Variants in DSCAML1 observed in about 807,000 individuals in gnomAD.
The protein encoded by DSCAML1 is cell adhesion molecule DSCAML1.
A neutral mutation model predicts 200.5 loss-of-function variants in DSCAML1; 38 were observed. The observed-to-expected ratio is 0.19, with a 90% confidence interval of 0.15 to 0.25. The LOEUF is 0.25. Ranked by LOEUF, DSCAML1 falls within the 10% of genes least tolerant of loss-of-function variation. DSCAML1 has a pLI of 1.00. For synonymous variants in DSCAML1, 1,215 were observed against 1,165.0 expected, an observed-to-expected ratio of 1.04 and a Z score of -0.87; for missense variants, 2,223 against 2,858.8, an observed-to-expected ratio of 0.78 and a Z score of 5.07.
intron 11 of DSCAML1, among the ~76,000 whole-genome samples, chr11:117,499,146 C>T (rs923331639): frequency 6.6e-6 from 1 of 152,126 alleles, no homozygotes; most frequent in Non-Finnish European, 1.5e-5. Flanking sequence ...TTATTTTTTC[C>T]CCATGTGTCA....
rs1454695743 is a variant in DSCAML1, at chr11:117,464,935, C to A, written c.3265+7G>T. On this transcript the variant is annotated splice_region_variant and intron_variant, in intron 17 of 32. Transcript: ENST00000651296. ...CTGTGCCCACTCCCTTCTGCTGGGG[C>A]CCTCACCATCCTCCAGAGTGGTGGC... 6.2e-7 allele frequency: 1 copy of A among 1,612,640 alleles called. No individual in the cohort carries two copies. The highest frequency in any genetic ancestry group is 8.5e-7 in the Non-Finnish European group (1 of 1,179,206).
At chr11:117,645,088 C>T (rs534439894) in intron 3 of DSCAML1, among the ~76,000 whole-genome samples, 1 of 152,334 alleles carries the variant, frequency 6.6e-6, no homozygotes, top group Non-Finnish European at 1.5e-5. Flanking sequence ...TTGAGAGAGC[C>T]CCCACAGTGG....
At chr11:117,709,532 C>T (rs1224866334) in intron 3 of DSCAML1, among the ~76,000 whole-genome samples, 2 of 152,018 alleles carry the variant, frequency 1.3e-5, no homozygotes. Flanking sequence ...ATATGAATTG[C>T]GGGGGTTGGG....
intron 1 of DSCAML1, among the ~76,000 whole-genome samples, chr11:117,787,894 G>A (rs886330424): frequency 6.6e-6 from 1 of 152,168 alleles, no homozygotes; most frequent in Non-Finnish European, 1.5e-5. Flanking sequence ...TTTCATGGGA[G>A]ATGTGTTATG....
intron 3 of DSCAML1, among the ~76,000 whole-genome samples, chr11:117,705,690 A>G (rs2053747778): frequency 6.6e-6 from 1 of 152,140 alleles, no homozygotes; most frequent in Non-Finnish European, 1.5e-5. Flanking sequence ...AATCTCAAAC[A>G]GGTGAAGATT....
chr11:117,431,364 G>C (rs777356821), intron 31 of DSCAML1, among the ~76,000 whole-genome samples, 170 bp downstream of exon 31: 3 of 152,238 alleles, frequency 2.0e-5, no homozygotes, highest in Admixed American at 1.3e-4. Flanking sequence ...GTGAGGTCAA[G>C]TGTTTTTGTC....
chr11:117,512,984 C>T (rs781286551), intron 8 of DSCAML1, among the ~76,000 whole-genome samples: 3 of 152,148 alleles, frequency 2.0e-5, no homozygotes, highest in South Asian at 2.1e-4. Flanking sequence ...CAGGACGTTC[C>T]GAGTCCTCTG....
chr11:117,563,416 G>A (rs746378734), intron 3 of DSCAML1, among the ~76,000 whole-genome samples: 1 of 152,148 alleles, frequency 6.6e-6, no homozygotes, highest in Non-Finnish European at 1.5e-5. Flanking sequence ...AGGCTAGGAA[G>A]AACTGGGATG....
chr11:117,753,971 T>C (rs2137874608), intron 3 of DSCAML1, among the ~76,000 whole-genome samples: 1 of 151,834 alleles, frequency 6.6e-6, no homozygotes, highest in East Asian at 1.9e-4. Flanking sequence ...CAAAGGAGAG[T>C]CTTGGGCCTT....
intron 3 of DSCAML1, among the ~76,000 whole-genome samples, chr11:117,692,962 G>A (rs1055611004): frequency 6.6e-6 from 1 of 152,054 alleles, no homozygotes; most frequent in African/African-American, 2.4e-5. Flanking sequence ...CAGACCCCTC[G>A]CCATCTTGAG....
At chr11:117,514,857 C>T (rs138675053) in intron 8 of DSCAML1, among the ~76,000 whole-genome samples, 1,827 of 152,356 alleles carry the variant, frequency 0.012, 26 homozygotes, top group Non-Finnish European at 0.017. Flanking sequence ...GCTGGGATTA[C>T]AGGCGTGGGC....
intron 3 of DSCAML1, among the ~76,000 whole-genome samples, chr11:117,773,089 G>A (rs1012371700): frequency 3.3e-5 from 5 of 152,218 alleles, no homozygotes; most frequent in African/African-American, 1.2e-4. Flanking sequence ...GGATAGCCGG[G>A]AAGGCTAACC....
intron 3 of DSCAML1, among the ~76,000 whole-genome samples, chr11:117,593,458 C>T (rs694005): frequency 0.34 from 51,104 of 152,104 alleles, 8,828 homozygotes; most frequent in South Asian, 0.54. Context: ...GAACCAAAGC[C>T]GCTCCCATGT....
intron 3 of DSCAML1, among the ~76,000 whole-genome samples, chr11:117,621,604 T>C (rs920932704): frequency 3.9e-5 from 6 of 152,232 alleles, no homozygotes; most frequent in Non-Finnish European, 8.8e-5. Context: ...CATCTTGTTA[T>C]TCAACTGGAC....
chr11:117,577,458 T>G (rs12801643), intron 3 of DSCAML1, among the ~76,000 whole-genome samples: 29 of 57,380 alleles, frequency 5.1e-4, no homozygotes, highest in South Asian at 1.0e-3. Context: ...CCTTCCTTCC[T>G]TTCCTTCCTT....
At chr11:117,650,655 G>A (rs1379900164) in intron 3 of DSCAML1, among the ~76,000 whole-genome samples, 1 of 148,678 alleles carries the variant, frequency 6.7e-6, no homozygotes, top group Non-Finnish European at 1.5e-5. Flanking sequence ...TGTTTAAAGT[G>A]TGTGTGTCTA....
chr11:117,632,829 T>C (rs1469255932), intron 3 of DSCAML1, among the ~76,000 whole-genome samples: 1 of 152,206 alleles, frequency 6.6e-6, no homozygotes, highest in Non-Finnish European at 1.5e-5. Flanking sequence ...CCAGGCATCA[T>C]GAAAAGGGCC....
chr11:117,715,852 A>G (rs549499624), intron 3 of DSCAML1, among the ~76,000 whole-genome samples: 4 of 152,258 alleles, frequency 2.6e-5, no homozygotes, highest in African/African-American at 9.6e-5. Context: ...TGGTTTAACC[A>G]TATATAACCC....
chr11:117,615,667 G>T (rs899978780), intron 3 of DSCAML1, among the ~76,000 whole-genome samples: 1 of 152,112 alleles, frequency 6.6e-6, no homozygotes, highest in Non-Finnish European at 1.5e-5. Context: ...AAGGAAGTGT[G>T]TCTGGAGAGT....
Sources: allele counts gnomAD v4.1 joint callset (sites outside exome capture counted in the v4.1 genomes callset), GRCh38; gene constraint gnomAD v4.1.1; transcripts MANE v1.5; gene names NCBI Gene and HGNC (gene_info 2026-07-23, HGNC 2026-07-21).